LRRC9: variants seen among roughly 807,000 people sequenced by gnomAD.
LRRC9 encodes leucine-rich repeat-containing protein 9.
Under a neutral mutation model 63.2 loss-of-function variants are expected in LRRC9, and 122 were observed. The observed-to-expected ratio is 1.93, with a 90% CI of 1.67 to 2.24. The LOEUF is 2.24. LRRC9 is among the 30% of genes most tolerant of loss of function. The probability of loss-of-function intolerance (pLI) is 0.00; values close to 1 mark genes in which losing one functional copy is unlikely to be tolerated. For synonymous variants in LRRC9, 366 were observed against 213.1 expected (o/e 1.72, Z -6.25); for missense variants, 1,071 against 627.7 (o/e 1.71, Z -7.55).
Position 59,964,719 on chromosome 14 carries a change from A to T in LRRC9, c.1212-1870A>T, listed in dbSNP as rs1389033986. On this transcript the variant is annotated intron_variant, in intron 10 of 31. Coordinates refer to ENST00000445360, the Ensembl canonical transcript of LRRC9. This position sits in a 1 kb window ranked among gnomAD's most constrained non-coding sequence, Gnocchi z 4.4. ...CAAATGATCCCTCTATAGGAGGGGCAGTAGCTTCCCCACCTCAGATGCTAA... is the reference window on the plus strand; with the variant it reads ...CAAATGATCCCTCTATAGGAGGGGCTGTAGCTTCCCCACCTCAGATGCTAA... Among the ~76,000 whole-genome samples the T allele has an allele frequency of 6.6e-6, 1 of 152,318 alleles. No individual in the cohort carries two copies. Among genetic ancestry groups the T allele is most frequent in the Non-Finnish European group, 1.5e-5 (1 of 68,014 alleles).
At chr14:60,062,131 T>C (rs924133927) in intron 31 of LRRC9, 1 of 398,666 alleles carries the variant, frequency 2.5e-6, no homozygotes, top group African/African-American at 2.1e-5. Flanking sequence ...CATCAGAATA[T>C]TGCATCTCCT....
At chr14:59,931,681 T>C (rs1255515487) in exon 5 of LRRC9, 1 of 692,020 alleles carries the variant, frequency 1.4e-6, no homozygotes, top group East Asian at 2.7e-5. Flanking sequence ...TAAATAGCAT[T>C]GGTATGTACT....
At chr14:59,925,786 C>T (rs956174673) in intron 1 of LRRC9, among the ~76,000 whole-genome samples, 2 of 152,106 alleles carry the variant, frequency 1.3e-5, no homozygotes, top group East Asian at 1.9e-4. Context: ...AAACTTCTTT[C>T]CCTGGTACCT....
chr14:59,978,134 T>C lies in LRRC9; in HGVS notation c.1878+2T>C, dbSNP rs1400840329. ...GTTGAATTTGAGTATATTACAATGG[T>C]ATGAATTGTTACATATTCTTAAAGA... On this transcript the variant is annotated splice_donor_variant, in intron 15 of 31. Coordinates refer to ENST00000445360, the Ensembl canonical transcript of LRRC9. LOFTEE classifies it high-confidence loss of function. 2 of 701,196 alleles carry C rather than the reference T, an allele frequency of 2.9e-6. No homozygotes were observed. The highest frequency in any genetic ancestry group is 5.2e-6 in the Non-Finnish European group (2 of 384,050). 43.4% of individuals were successfully genotyped at this position (701,196 alleles called of 1,614,324 possible). A position where few individuals can be genotyped will look rare whatever the true frequency, so the allele number is the denominator to read the frequency against.
Position 59,927,464 on chromosome 14 carries a change from T to C in LRRC9, c.-33-447T>C, listed in dbSNP as rs1206114015. Among the ~76,000 whole-genome samples, 1 of 152,074 alleles carries C rather than the reference T, an allele frequency of 6.6e-6. No homozygotes were observed. The highest frequency in any genetic ancestry group is 2.4e-5 in the African/African-American group (1 of 41,458). On this transcript the variant is annotated intron_variant, in intron 1 of 31. Coordinates refer to ENST00000445360, the Ensembl canonical transcript of LRRC9. The surrounding 1 kb of genome is among the most constrained non-coding windows in gnomAD (Gnocchi z 4.4). ...GCTAAGCCCTAAGGATTCTTCTCTT[T>C]GCAGTCTAGGTATACTTAGAGAACT...
chr14:59,925,109 A>G (rs560736378), intron 1 of LRRC9, among the ~76,000 whole-genome samples: 2 of 152,194 alleles, frequency 1.3e-5, no homozygotes, highest in South Asian at 4.2e-4. Context: ...GAATATTAAC[A>G]AAGAGTCAAT....
At chr14:60,028,068 A>G (rs970364330) in exon 28 of LRRC9, 1 of 701,392 alleles carries the variant, frequency 1.4e-6, no homozygotes, top group Non-Finnish European at 2.6e-6. Context: ...TGGTAAAACT[A>G]GAGAAACTCT....
In LRRC9 at chr14:60,034,015, C is replaced by CTTTTT. The variant is rs1157239003; in HGVS notation, c.3990+1971_3990+1975dup. Among the ~76,000 whole-genome samples the CTTTTT allele has an allele frequency of 2.2e-3, 250 of 116,018 alleles. 1 individual carries two copies. The highest frequency in any genetic ancestry group is 6.9e-3 in the African/African-American group (185 of 26,860). The allele number at this position is 116,018 out of a possible 152,430, so 76.1% of individuals were successfully genotyped here. Reference sequence around the variant, plus strand: ...GGCCTTTTTATGTAATTTTTTCTTTCTTTTTTTTTTTTTTTTTTTTTTTGA... The same window carrying CTTTTT: ...GGCCTTTTTATGTAATTTTTTCTTTCTTTTTTTTTTTTTTTTTTTTTTTTTTTTGA... On this transcript the variant is annotated intron_variant, in intron 29 of 31. Transcript: ENST00000445360.
chr14:59,945,051 T>C (rs951571879), intron 8 of LRRC9, among the ~76,000 whole-genome samples: 22 of 151,898 alleles, frequency 1.4e-4, no homozygotes, highest in African/African-American at 5.3e-4. Context: ...TTCAATATGA[T>C]TTAGAGTGTT....
chr14:60,063,274 A>T, intron 31 of LRRC9, 49 bp from the exon 33 acceptor site: 1 of 689,358 alleles, frequency 1.5e-6, no homozygotes. Flanking sequence ...CTGATCCATT[A>T]CAAAATTAAG....
chr14:60,043,756 C>CTTTTTTTT (rs368065898), intron 29 of LRRC9, among the ~76,000 whole-genome samples: 6 of 71,550 alleles, frequency 8.4e-5, no homozygotes, highest in African/African-American at 2.3e-4. Context: ...TTTTCTTTTC[C>CTTTTTTTT]TTTTTTTTTT....
chr14:59,935,021 C>T (rs936129425), intron 6 of LRRC9, among the ~76,000 whole-genome samples: 5 of 151,602 alleles, frequency 3.3e-5, no homozygotes, highest in African/African-American at 1.2e-4. Flanking sequence ...CATGGTGGCT[C>T]ACGCCTATAA....
At chr14:60,013,660 T>G (rs1386979058) in intron 23 of LRRC9, among the ~76,000 whole-genome samples, 2 of 152,184 alleles carry the variant, frequency 1.3e-5, no homozygotes, top group African/African-American at 4.8e-5. Context: ...CAGTAGGTAA[T>G]GTTCTGTCTG....
chr14:59,993,320 A>G (rs903611899), intron 17 of LRRC9, among the ~76,000 whole-genome samples: 8 of 152,210 alleles, frequency 5.3e-5, no homozygotes, highest in African/African-American at 1.7e-4. Context: ...AGCACTAAAC[A>G]TGGAAAGGAA....
intron 29 of LRRC9, among the ~76,000 whole-genome samples, chr14:60,039,784 G>T (rs1402562548): frequency 1.3e-5 from 2 of 151,924 alleles, no homozygotes; most frequent in Non-Finnish European, 2.9e-5. Flanking sequence ...TCTTATCTTA[G>T]TTATTTCTTG....
At chr14:59,991,585 G>GAC (rs1888106245) in intron 17 of LRRC9, among the ~76,000 whole-genome samples, 2 of 152,196 alleles carry the variant, frequency 1.3e-5, no homozygotes, top group Admixed American at 1.3e-4. Flanking sequence ...AGGGGTGACA[G>GAC]ACGGCACCTG....
At chr14:59,970,565 C>T (rs554673726) in intron 12 of LRRC9, among the ~76,000 whole-genome samples, 9 of 152,244 alleles carry the variant, frequency 5.9e-5, no homozygotes, top group Non-Finnish European at 7.4e-5. Flanking sequence ...ATAAGCATTC[C>T]TTTTTCTCCA....
intron 15 of LRRC9, among the ~76,000 whole-genome samples, chr14:59,981,115 T>A (rs1174065484): frequency 6.6e-6 from 1 of 152,154 alleles, no homozygotes; most frequent in African/African-American, 2.4e-5. Flanking sequence ...ACTCTATTTT[T>A]AAATTATTTG....
exon 4 of LRRC9, chr14:59,931,051 A>G (rs1354306082): frequency 8.0e-6 from 3 of 373,750 alleles, no homozygotes; most frequent in Non-Finnish European, 1.5e-5. Context: ...ACAATTAAAA[A>G]TATTGAGGTA....
Sources: allele counts gnomAD v4.1 joint callset (sites outside exome capture counted in the v4.1 genomes callset), GRCh38; gene constraint gnomAD v4.1.1; non-coding constraint Gnocchi (gnomAD v3.1); transcripts MANE v1.5; gene names NCBI Gene and HGNC (gene_info 2026-07-23, HGNC 2026-07-21).